The following TGFBR3 variants were observed in gnomAD, a reference collection of about 807,000 sequenced individuals.
TGFBR3 encodes transforming growth factor beta receptor 3.
Under a neutral mutation model 87.9 loss-of-function variants are expected in TGFBR3, and 46 were observed. The ratio of observed to expected loss-of-function variants is 0.52; its 90% confidence interval spans 0.41 to 0.67. The LOEUF (loss-of-function observed/expected upper bound fraction) is 0.67, where lower values mean the gene tolerates loss of function less well. TGFBR3 is among the 30% of genes least tolerant of loss of function. TGFBR3 has a pLI of 0.00. For missense variants in TGFBR3, 866 were observed against 1,041.9 expected, an observed-to-expected ratio of 0.83 and a Z score of 2.32; for synonymous variants, 381 against 391.6, an observed-to-expected ratio of 0.97 and a Z score of 0.32.
At chr1:91,891,810 C>T (rs921030245) in intron 2 of TGFBR3, among the ~76,000 whole-genome samples, 3 of 152,154 alleles carry the variant, frequency 2.0e-5, no homozygotes, top group African/African-American at 4.8e-5. Flanking sequence ...TTTTCAGATT[C>T]GCTCATAAAG....
intron 3 of TGFBR3, among the ~76,000 whole-genome samples, chr1:91,778,884 G>T (rs1345744759): frequency 6.6e-6 from 1 of 152,162 alleles, no homozygotes; most frequent in Non-Finnish European, 1.5e-5. Context: ...GGGGTGCTAT[G>T]ACTATTTTAA....
chr1:91,887,236 CTTT>C (rs71087977), upstream of TGFBR3, among the ~76,000 whole-genome samples: 152 of 41,382 alleles, frequency 3.7e-3, no homozygotes, highest in Non-Finnish European at 5.3e-3. Context: ...GGACCTATGC[CTTT>C]TTTTTTTTTT....
At chr1:91,872,621 G>T (rs1678625500) in intron 1 of TGFBR3, among the ~76,000 whole-genome samples, 1 of 152,214 alleles carries the variant, frequency 6.6e-6, no homozygotes, top group African/African-American at 2.4e-5. Context: ...AAGGGGATGG[G>T]CACAGAAACA....
chr1:91,858,982 G>A (rs1678071906), intron 2 of TGFBR3, among the ~76,000 whole-genome samples: 1 of 151,684 alleles, frequency 6.6e-6, no homozygotes, highest in South Asian at 2.1e-4. Context: ...CTTGAACCAG[G>A]AGGCAGAGGT....
At chr1:91,811,183 C>T (rs1676018064) in intron 2 of TGFBR3, among the ~76,000 whole-genome samples, 2 of 152,110 alleles carry the variant, frequency 1.3e-5, no homozygotes, top group African/African-American at 4.8e-5. Flanking sequence ...TGGTGGTGCA[C>T]ACCTGTAGTC....
Position 91,680,393 on chromosome 1 carries a change from CTG to C in TGFBR3, c.*3344_*3345del. The C allele has an allele frequency of 2.2e-6, 1 of 452,038 alleles. No homozygotes were observed. The highest frequency in any genetic ancestry group is 4.4e-6 in the Non-Finnish European group (1 of 226,276). 28.0% of individuals were successfully genotyped at this position (452,038 alleles called of 1,614,324 possible). A position where few individuals can be genotyped will look rare whatever the true frequency, so the allele number is the denominator to read the frequency against. ...TTATGCACAGATAAAAGATTTAAAA[CTG>C]TGGTTATCAAAACTATACATCTAAG... On this transcript the variant is annotated 3_prime_UTR_variant, in exon 17 of 17. Coordinates refer to ENST00000212355, the MANE Select transcript of TGFBR3 (RefSeq NM_003243.5).
chr1:91,902,297 G>GTA (rs1679739620), intron 1 of TGFBR3, among the ~76,000 whole-genome samples: 1 of 150,944 alleles, frequency 6.6e-6, no homozygotes, highest in African/African-American at 2.4e-5. Flanking sequence ...GTGTGTGTGT[G>GTA]TGACAGGGTC....
chr1:91,814,315 G>A (rs919118536), intron 2 of TGFBR3, among the ~76,000 whole-genome samples: 1 of 152,096 alleles, frequency 6.6e-6, no homozygotes, highest in Non-Finnish European at 1.5e-5. Context: ...GCTCCTTCCT[G>A]AAATGAAATC....
chr1:91,806,954 A>C (rs1675857990), intron 2 of TGFBR3, among the ~76,000 whole-genome samples: 1 of 152,230 alleles, frequency 6.6e-6, no homozygotes, highest in Non-Finnish European at 1.5e-5. Context: ...CTCAGCCAAT[A>C]GCACTGCCTC....
At chr1:91,762,192 T>C (rs1295434133) in intron 3 of TGFBR3, among the ~76,000 whole-genome samples, 2 of 152,188 alleles carry the variant, frequency 1.3e-5, no homozygotes, top group Admixed American at 6.5e-5. Context: ...TTGTAAATCT[T>C]TGGGAGTCAT....
chr1:91,781,964 T>C (rs2100967205), intron 3 of TGFBR3, among the ~76,000 whole-genome samples: 1 of 152,310 alleles, frequency 6.6e-6, no homozygotes, highest in Middle Eastern at 3.4e-3. Flanking sequence ...AAAGATTCTT[T>C]TAGAAAAATA....
At chr1:91,705,404 T>G (rs1011503961) in intron 14 of TGFBR3, among the ~76,000 whole-genome samples, 1 of 151,828 alleles carries the variant, frequency 6.6e-6, no homozygotes, top group Non-Finnish European at 1.5e-5. Flanking sequence ...TTTTGGTTTT[T>G]TTTTTAGGTA....
chr1:91,687,562 G>C (rs775253562), intron 16 of TGFBR3, among the ~76,000 whole-genome samples: 1 of 152,150 alleles, frequency 6.6e-6, no homozygotes, highest in Admixed American at 6.5e-5. Context: ...ACTCTGTGGG[G>C]AAACAAGAGA....
At chr1:91,805,695 C>T (rs1290543220) in intron 2 of TGFBR3, among the ~76,000 whole-genome samples, 3 of 151,636 alleles carry the variant, frequency 2.0e-5, no homozygotes, top group South Asian at 2.1e-4. Flanking sequence ...CTCCCTGGGC[C>T]GCTGCCTTGT....
chr1:91,708,782 C>T lies in TGFBR3; in HGVS notation c.2168G>A (p.Cys723Tyr). Residue 723 changes from cysteine (C) to tyrosine (Y), a missense_variant and splice_region_variant, in exon 14 of 17, where the codon TGT (cysteine) becomes TAT (tyrosine). Transcript: ENST00000212355. Reference protein sequence around the residue: ...MEKHPQKLPKCVPPDEACTSL... With the variant: ...MEKHPQKLPKYVPPDEACTSL... ...GGTGCAGGCTTCGTCAGGAGGCACACACTGCAGACAGGCAGAACAAAGCAC... is the reference window on the plus strand; with the variant it reads ...GGTGCAGGCTTCGTCAGGAGGCACATACTGCAGACAGGCAGAACAAAGCAC... The T allele has an allele frequency of 2.5e-6, 4 of 1,613,840 alleles. No homozygotes were observed. The highest frequency in any genetic ancestry group is 3.4e-6 in the Non-Finnish European group (4 of 1,179,958).
chr1:91,824,875 G>A (rs184770005), intron 2 of TGFBR3, among the ~76,000 whole-genome samples: 11 of 152,262 alleles, frequency 7.2e-5, no homozygotes, highest in African/African-American at 2.6e-4. Flanking sequence ...TAGGAGAATC[G>A]CTTGAACATG....
chr1:91,715,795 G>T (rs1262568416), intron 12 of TGFBR3, among the ~76,000 whole-genome samples: 1 of 152,112 alleles, frequency 6.6e-6, no homozygotes, highest in Non-Finnish European at 1.5e-5. Context: ...CAGTTTCAGT[G>T]GCGGCATGGA....
chr1:91,694,040 C>A (rs1481761014), intron 16 of TGFBR3, among the ~76,000 whole-genome samples: 3 of 152,128 alleles, frequency 2.0e-5, no homozygotes, highest in Non-Finnish European at 4.4e-5. Context: ...CTCTCTCTGT[C>A]GCCCAGGCTG....
At chr1:91,792,279 C>G (rs189888764) in intron 3 of TGFBR3, among the ~76,000 whole-genome samples, 1 of 152,216 alleles carries the variant, frequency 6.6e-6, no homozygotes, top group Non-Finnish European at 1.5e-5. Context: ...CATCCCAAAT[C>G]CTCTTTTGGA....
Sources: allele counts gnomAD v4.1 joint callset (sites outside exome capture counted in the v4.1 genomes callset), GRCh38; gene constraint gnomAD v4.1.1; transcripts MANE v1.5; gene names NCBI Gene and HGNC (gene_info 2026-07-23, HGNC 2026-07-21).